EED: variants seen among roughly 807,000 people sequenced by gnomAD.
The protein encoded by EED is embryonic ectoderm development.
A neutral mutation model predicts 61.0 loss-of-function variants in EED; 9 were observed. That is an observed-to-expected ratio of 0.15 (90% confidence interval 0.09 to 0.26). The LOEUF (loss-of-function observed/expected upper bound fraction) is 0.26, where lower values mean the gene tolerates loss of function less well. EED is among the 10% of genes least tolerant of loss of function. The pLI, the probability that EED is intolerant of heterozygous loss-of-function variation, is 1.00. For synonymous variants in EED, 187 were observed against 174.4 expected, an observed-to-expected ratio of 1.07 and a Z score of -0.57; for missense variants, 315 against 542.3, an observed-to-expected ratio of 0.58 and a Z score of 4.16.
intron 1 of EED, among the ~76,000 whole-genome samples, chr11:86,248,515 T>G (rs1274939334): frequency 1.3e-5 from 2 of 152,182 alleles, no homozygotes; most frequent in African/African-American, 4.8e-5. Context: ...GTTGAAACTT[T>G]TACTCAGAGG....
intron 6 of EED, among the ~76,000 whole-genome samples, chr11:86,263,094 T>C (rs941951525): frequency 2.6e-5 from 4 of 152,118 alleles, no homozygotes; most frequent in Admixed American, 6.5e-5. Flanking sequence ...GCATGAACCA[T>C]CACACCCTGC....
chr11:86,272,511 G>C (rs554018385), intron 9 of EED, among the ~76,000 whole-genome samples: 1 of 152,296 alleles, frequency 6.6e-6, no homozygotes, highest in East Asian at 1.9e-4. Flanking sequence ...TGTTGTATAA[G>C]TGTTTAATTG....
At chr11:86,248,451 C>T (rs1392708901) in intron 1 of EED, among the ~76,000 whole-genome samples, 2 of 152,116 alleles carry the variant, frequency 1.3e-5, no homozygotes, top group Non-Finnish European at 2.9e-5. Flanking sequence ...TTTAAAATTT[C>T]AGTTCTCTAG....
chr11:86,255,321 A>G, intron 4 of EED, 34 bp downstream of exon 4: 2 of 1,531,202 alleles, frequency 1.3e-6, no homozygotes, highest in Non-Finnish European at 1.8e-6. Flanking sequence ...ATCTTTAGTC[A>G]AAGGAATTTA....
At position 86,244,949 on chromosome 11, in the gene EED, G is replaced by A. The variant is rs1337706137; in HGVS notation, c.-281G>A. On this transcript the variant is annotated 5_prime_UTR_variant, in exon 1 of 12. Transcript: ENST00000263360. ...CAACGGACCTTACATCGTGTAGACT[G>A]CCGGGAGGGCGGCGGGAAAAGGGCA... The A allele has an allele frequency of 5.4e-6, 2 of 370,288 alleles. No homozygotes were observed. Among genetic ancestry groups the A allele is most frequent in the Non-Finnish European group, 9.8e-6 (2 of 204,968 alleles). The allele number at this position is 370,288 out of a possible 1,614,324, so 22.9% of individuals were successfully genotyped here. A position where few individuals can be genotyped will look rare whatever the true frequency, so the allele number is the denominator to read the frequency against.
chr11:86,281,887 T>G (rs951308860), downstream of EED, among the ~76,000 whole-genome samples: 2 of 152,228 alleles, frequency 1.3e-5, no homozygotes, highest in African/African-American at 4.8e-5. Context: ...AGTATATTTC[T>G]TACACAGTGT....
intron 8 of EED, among the ~76,000 whole-genome samples, chr11:86,266,535 A>T (rs1365834574): frequency 1.3e-5 from 2 of 151,926 alleles, no homozygotes; most frequent in Non-Finnish European, 2.9e-5. Flanking sequence ...ACTTAAGCTT[A>T]TTATGGACTA....
intron 1 of EED, among the ~76,000 whole-genome samples, chr11:86,247,510 A>G (rs1399708597): frequency 6.6e-6 from 1 of 152,230 alleles, no homozygotes; most frequent in African/African-American, 2.4e-5. Flanking sequence ...GTAATATAAA[A>G]ATACTTGATT....
intron 1 of EED, among the ~76,000 whole-genome samples, chr11:86,246,845 C>T (rs976367753): frequency 6.6e-6 from 1 of 152,132 alleles, no homozygotes; most frequent in Non-Finnish European, 1.5e-5. Flanking sequence ...ACATAATTGT[C>T]TTAGTTTCTT....
intron 9 of EED, among the ~76,000 whole-genome samples, chr11:86,271,140 G>T (rs1484548349): frequency 3.9e-5 from 6 of 152,064 alleles, no homozygotes; most frequent in Admixed American, 3.9e-4. Context: ...AATTAATATT[G>T]TGCTGAGTCT....
rs1565707121 is a variant in EED, at chr11:86,278,475, A to G, written c.1276A>G (p.Ile426Val). The G allele has an allele frequency of 2.5e-6, 4 of 1,613,684 alleles. No individual in the cohort carries two copies. Among genetic ancestry groups the G allele is most frequent in the Non-Finnish European group, 3.4e-6 (4 of 1,179,830 alleles). Reference protein sequence around the residue: ...TSFSRDSSILIAVCDDASIWR... With the variant: ...TSFSRDSSILVAVCDDASIWR... ...TTTTAGCAGGGATAGCAGCATTCTT[A>G]TAGCTGTTTGTGATGATGCCAGTAT... is the stretch of plus-strand genomic sequence containing the variant. Residue 426 changes from isoleucine (I) to valine (V), a missense_variant, in exon 12 of 12, where the codon ATA becomes GTA. By Grantham distance (29) the Ile-to-Val change is conservative (BLOSUM62 3). Transcript: ENST00000263360.
chr11:86,261,152 C>T (rs558579061), intron 6 of EED, among the ~76,000 whole-genome samples: 3 of 152,304 alleles, frequency 2.0e-5, no homozygotes, highest in South Asian at 2.1e-4. Context: ...GAGGTAAATT[C>T]TCCATCTGTG....
chr11:86,266,249 T>G, intron 8 of EED, 33 bp downstream of exon 8: 1 of 1,553,968 alleles, frequency 6.4e-7, no homozygotes, highest in Non-Finnish European at 8.7e-7. Flanking sequence ...CAATTTGCTA[T>G]GTTGTGCTAT....
downstream of EED, among the ~76,000 whole-genome samples, chr11:86,280,519 A>G (rs1315291833): frequency 2.1e-4 from 32 of 152,220 alleles, no homozygotes; most frequent in Non-Finnish European, 1.5e-4. Context: ...ATTTTCACTC[A>G]AGTGATCTCA....
intron 1 of EED, among the ~76,000 whole-genome samples, chr11:86,248,491 G>T (rs1233896084): frequency 1.3e-5 from 2 of 152,156 alleles, no homozygotes; most frequent in African/African-American, 4.8e-5. Context: ...AGAAAAAATG[G>T]CAAGTGAACA....
intron 7 of EED, 109 bp from the exon 8 acceptor site, chr11:86,265,974 T>G (rs1328312292): frequency 3.3e-6 from 3 of 920,064 alleles, no homozygotes; most frequent in Admixed American, 5.5e-5. Flanking sequence ...AAATGTAGTT[T>G]GTATTGTGAT....
At chr11:86,261,162 G>A (rs966130435) in intron 6 of EED, among the ~76,000 whole-genome samples, 2 of 152,140 alleles carry the variant, frequency 1.3e-5, no homozygotes, top group Non-Finnish European at 2.9e-5. Flanking sequence ...CTCCATCTGT[G>A]GGTCTGGGAA....
chr11:86,271,582 T>C (rs1259562438), intron 9 of EED, among the ~76,000 whole-genome samples: 1 of 152,218 alleles, frequency 6.6e-6, no homozygotes, highest in Non-Finnish European at 1.5e-5. Context: ...TGTCATTCAG[T>C]CTTTCACAAT....
intron 3 of EED, among the ~76,000 whole-genome samples, chr11:86,252,675 T>A (rs1035923585): frequency 6.6e-6 from 1 of 152,206 alleles, no homozygotes; most frequent in African/African-American, 2.4e-5. Context: ...TGAGATGTTT[T>A]AATTACTTGC....
Sources: gnomAD v4.1 joint callset for allele counts (sites outside exome capture counted in the v4.1 genomes callset) on GRCh38, gnomAD v4.1.1 for gene constraint, MANE v1.5 for transcripts, NCBI Gene and HGNC (gene_info 2026-07-23, HGNC 2026-07-21) for gene names.